ARHGAP6: variants seen among roughly 807,000 people sequenced by gnomAD.
ARHGAP6 encodes Rho GTPase activating protein 6, also known as rho GTPase-activating protein 6.
ARHGAP6 carries 16 observed loss-of-function variants against 55.7 expected under a neutral mutation model. The observed-to-expected ratio is 0.29, with a 90% confidence interval of 0.19 to 0.44. The LOEUF is 0.44. ARHGAP6 is among the 20% of genes least tolerant of loss of function. The pLI is 1.00. For synonymous variants in ARHGAP6, 382 were observed against 360.9 expected (o/e 1.06, Z -0.66); for missense variants, 698 against 808.9 (o/e 0.86, Z 1.66).
At chrX:11,206,867 C>T (rs968063999) in intron 2 of ARHGAP6, among the ~76,000 whole-genome samples, 4 of 111,468 alleles carry the variant, frequency 3.6e-5, no homozygotes, top group African/African-American at 9.8e-5. Context: ...CAGCTAAACA[C>T]GTAATCACAT....
chrX:11,186,096 C>G lies in ARHGAP6; in HGVS notation c.1273+140G>C, dbSNP rs182847939. The G allele has an allele frequency of 3.3e-4, 184 of 556,282 alleles. No homozygotes were observed. In the African/African-American group the frequency reaches 3.6e-3, roughly 11 times the overall value. The allele number at this position is 556,282 out of a possible 1,213,427, so 45.8% of individuals were successfully genotyped here. A position where few individuals can be genotyped will look rare whatever the true frequency, so the allele number is the denominator to read the frequency against. ...CCCCACAATCTCTTAAGCAAACACT[C>G]ACATCTGTACACTTTCACACAGTAA... On this transcript the variant is annotated intron_variant, in intron 5 of 12. Transcript: ENST00000337414.
At chrX:11,632,088 G>C (rs948395041) in intron 1 of ARHGAP6, among the ~76,000 whole-genome samples, 1 of 111,644 alleles carries the variant, frequency 9.0e-6, no homozygotes, top group Non-Finnish European at 1.9e-5. Flanking sequence ...CTGACAGTAA[G>C]AGTTAAGAAT....
chrX:11,615,319 C>T (rs773711595), intron 1 of ARHGAP6, among the ~76,000 whole-genome samples: 22 of 112,051 alleles, frequency 2.0e-4, no homozygotes, highest in African/African-American at 5.8e-4. Flanking sequence ...AATGTCTATG[C>T]CTTTTCTCCT....
chrX:11,363,012 G>T (rs1180271039), intron 1 of ARHGAP6, among the ~76,000 whole-genome samples: 1 of 111,683 alleles, frequency 9.0e-6, no homozygotes, highest in Non-Finnish European at 1.9e-5. Context: ...TACTTCATTT[G>T]AAAGCCCCTC....
At chrX:11,197,056 C>A in intron 2 of ARHGAP6, 60 bp from the exon 3 acceptor site, 1 of 584,941 alleles carries the variant, frequency 1.7e-6, no homozygotes, top group South Asian at 2.7e-5. Context: ...TTTACAGTAT[C>A]GATAATTACA....
At chrX:11,281,773 A>T (rs934589956) in intron 1 of ARHGAP6, among the ~76,000 whole-genome samples, 2 of 111,859 alleles carry the variant, frequency 1.8e-5, no homozygotes, top group African/African-American at 6.5e-5. Context: ...TGCCTAATGA[A>T]TTTTTATAGT....
chrX:11,519,151 G>C (rs1305410369), intron 1 of ARHGAP6, among the ~76,000 whole-genome samples: 6 of 96,425 alleles, frequency 6.2e-5, no homozygotes, highest in Non-Finnish European at 1.2e-4. Flanking sequence ...TATATACCCA[G>C]TAATGGGATG....
rs753509739 is a variant in ARHGAP6 at position 11,225,872 on chromosome X, G to T, written c.748+28676C>A. ...AAAGACCTTTTTTTTTGATCAGTTT[G>T]ACTTTATTAATATTTGTTCCACAGA... On this transcript the variant is annotated intron_variant, in intron 2 of 12. Coordinates refer to ENST00000337414, the MANE Select transcript of ARHGAP6 (RefSeq NM_013427.3). 2.5e-4 allele frequency: 53 copies of T among 211,652 alleles called. 1 individual carries two copies. Among genetic ancestry groups the T allele is most frequent in the African/African-American group, 3.0e-5 (1 of 33,278 alleles). The allele number at this position is 211,652 out of a possible 1,213,427, so 17.4% of individuals were successfully genotyped here. A position where few individuals can be genotyped will look rare whatever the true frequency, so the allele number is the denominator to read the frequency against.
intron 1 of ARHGAP6, among the ~76,000 whole-genome samples, chrX:11,608,169 G>A (rs2052057472): frequency 9.0e-6 from 1 of 111,390 alleles, no homozygotes; most frequent in Admixed American, 9.5e-5. Flanking sequence ...AGGTAACCCG[G>A]CAAACATGGC....
chrX:11,228,901 AGTTT>A (rs778445276), intron 2 of ARHGAP6, among the ~76,000 whole-genome samples: 9 of 112,298 alleles, frequency 8.0e-5, no homozygotes, highest in African/African-American at 2.3e-4. Flanking sequence ...CTCTATCATT[AGTTT>A]GTTTGTTAAA....
At chrX:11,325,173 G>A (rs1200201427) in intron 1 of ARHGAP6, among the ~76,000 whole-genome samples, 1 of 112,110 alleles carries the variant, frequency 8.9e-6, no homozygotes, top group African/African-American at 3.2e-5. Flanking sequence ...TCTGATAAAT[G>A]TTCCAAATAA....
intron 1 of ARHGAP6, among the ~76,000 whole-genome samples, chrX:11,330,214 G>GT (rs1163673119): frequency 3.6e-5 from 4 of 112,415 alleles, no homozygotes; most frequent in African/African-American, 6.4e-5. Flanking sequence ...AGACATTTGA[G>GT]TTTTTTTTGA....
At chrX:11,584,843 CTTTAACT>C (rs1312660705) in intron 1 of ARHGAP6, among the ~76,000 whole-genome samples, 1 of 111,667 alleles carries the variant, frequency 9.0e-6, no homozygotes, top group Non-Finnish European at 1.9e-5. Flanking sequence ...ATATTTTATT[CTTTAACT>C]TTTAAGTTAA....
intron 2 of ARHGAP6, among the ~76,000 whole-genome samples, chrX:11,253,733 T>G (rs1220122264): frequency 9.0e-6 from 1 of 110,791 alleles, no homozygotes; most frequent in Non-Finnish European, 1.9e-5. Context: ...GGTGAAACCT[T>G]GTCTCTACTA....
At chrX:11,358,335 T>C (rs748009328) in intron 1 of ARHGAP6, among the ~76,000 whole-genome samples, 39 of 112,290 alleles carry the variant, frequency 3.5e-4, no homozygotes, top group Middle Eastern at 4.7e-3. Flanking sequence ...AACATTCATG[T>C]ACATGTTTCC....
At chrX:11,492,318 G>A (rs2050579920) in intron 1 of ARHGAP6, among the ~76,000 whole-genome samples, 1 of 111,729 alleles carries the variant, frequency 9.0e-6, no homozygotes, top group East Asian at 2.8e-4. Context: ...AGACTTAAAC[G>A]TTAGACCTAA....
intron 2 of ARHGAP6, among the ~76,000 whole-genome samples, chrX:11,219,142 G>T (rs1477960662): frequency 6.2e-5 from 6 of 96,220 alleles, no homozygotes; most frequent in Admixed American, 2.3e-4. Context: ...GCGGTGTTTG[G>T]TTTTTTGTTC....
chrX:11,214,859 G>A (rs914809637), intron 2 of ARHGAP6, among the ~76,000 whole-genome samples: 2 of 113,416 alleles, frequency 1.8e-5, no homozygotes, highest in Non-Finnish European at 3.7e-5. Context: ...AATGTGGGGG[G>A]TCCCTCAGGT....
intron 1 of ARHGAP6, among the ~76,000 whole-genome samples, chrX:11,520,129 TTTTATATATATATATATATATATATATA>T (rs1204326707): frequency 0.018 from 631 of 34,688 alleles, 19 homozygotes; most frequent in African/African-American, 0.061. Context: ...AGAGAATTGA[TTTTATATATATATATATATATATATATA>T]TATATATATA....
Sources: gnomAD v4.1 joint callset for allele counts (sites outside exome capture counted in the v4.1 genomes callset) on GRCh38, gnomAD v4.1.1 for gene constraint, MANE v1.5 for transcripts, NCBI Gene and HGNC (gene_info 2026-07-23, HGNC 2026-07-21) for gene names.